ATXN10: variants seen among roughly 807,000 people sequenced by gnomAD.
ATXN10 encodes the protein ataxin-10.
ATXN10 carries 28 observed loss-of-function variants against 52.9 expected under a neutral mutation model. The observed-to-expected ratio is 0.53, with a 90% CI of 0.39 to 0.73. The LOEUF (loss-of-function observed/expected upper bound fraction) is 0.73. ATXN10 is among the 30% of genes least tolerant of loss of function. The probability of loss-of-function intolerance (pLI) is 0.00; values close to 1 mark genes in which losing one functional copy is unlikely to be tolerated. For synonymous variants in ATXN10, 226 were observed against 221.5 expected (o/e 1.02, Z -0.18); for missense variants, 565 against 577.0 (o/e 0.98, Z 0.21).
intron 9 of ATXN10, chr22:45,793,165 T>A (rs1323184508): frequency 2.5e-5 from 4 of 158,640 alleles, no homozygotes; most frequent in Non-Finnish European, 4.2e-5. Flanking sequence ...TTTCTTATTT[T>A]AAAAAATCTC....
At chr22:45,702,256 A>C (rs1157834988) in intron 4 of ATXN10, among the ~76,000 whole-genome samples, 1 of 152,134 alleles carries the variant, frequency 6.6e-6, no homozygotes, top group South Asian at 2.1e-4. Flanking sequence ...GAGGCTCCTG[A>C]CTCCAAATTC....
chr22:45,761,317 C>T (rs1009464493), intron 9 of ATXN10, among the ~76,000 whole-genome samples: 1 of 152,178 alleles, frequency 6.6e-6, no homozygotes, highest in Admixed American at 6.5e-5. Flanking sequence ...TAAAACACTA[C>T]AAGCCTAGCA....
chr22:45,795,110 A>G lies in ATXN10; in HGVS notation c.1174-11849A>G, dbSNP rs1030525342. The stretch of plus-strand genomic sequence containing the variant: ...ATTTGTAGATAGACTGCAACAAGGT[A>G]AAGATGTATACTCTAAACTCCAGTG... On this transcript the variant is annotated intron_variant, in intron 9 of 11. Transcript: ENST00000252934. This position sits in a 1 kb window ranked among gnomAD's most constrained non-coding sequence, Gnocchi z 4.6. Among the ~76,000 whole-genome samples the G allele has an allele frequency of 5.9e-5, 9 of 152,188 alleles. No individual in the cohort carries two copies. Among genetic ancestry groups the G allele is most frequent in the Admixed American group, 5.2e-4 (8 of 15,278 alleles).
rs897139743 is a variant in ATXN10 at position 45,842,427 on chromosome 22, T to A, written c.1238-564T>A. On this transcript the variant is annotated intron_variant, in intron 10 of 11. Transcript: ENST00000252934. The surrounding 1 kb of genome is among the most constrained non-coding windows in gnomAD (Gnocchi z 4.8). Reference sequence around the variant, plus strand: ...AACACAGCAAATCCTTCAAAGCCCTTCCAGCTTCATCTTTAGAATACTGAA... The same window carrying A: ...AACACAGCAAATCCTTCAAAGCCCTACCAGCTTCATCTTTAGAATACTGAA... 6.6e-6 allele frequency among the ~76,000 whole-genome samples: 1 copy of A among 152,154 alleles called. No homozygotes were observed. The highest frequency in any genetic ancestry group is 2.4e-5 in the African/African-American group (1 of 41,430).
At position 45,697,198 on chromosome 22, in the gene ATXN10, A is replaced by C. The variant is rs564035686; in HGVS notation, c.392-3084A>C. On this transcript the variant is annotated intron_variant, in intron 3 of 11. Coordinates refer to ENST00000252934, the MANE Select transcript of ATXN10 (RefSeq NM_013236.4). Reference sequence around the variant, plus strand: ...TGCCCAGGCTGGAGTGCAGTGGCACAATCTCGGCTCACTACAGTCTCCGCC... The same window carrying C: ...TGCCCAGGCTGGAGTGCAGTGGCACCATCTCGGCTCACTACAGTCTCCGCC... Among the ~76,000 whole-genome samples the C allele has an allele frequency of 8.6e-5, 13 of 151,792 alleles. No individual in the cohort carries two copies. The South Asian group carries it at 2.7e-3, about 32-fold the overall frequency.
At chr22:45,778,182 C>A (rs986733062) in intron 9 of ATXN10, among the ~76,000 whole-genome samples, 2 of 152,170 alleles carry the variant, frequency 1.3e-5, no homozygotes. Flanking sequence ...TGAATCCCAG[C>A]TGTGTTATGC....
chr22:45,689,545 G>A (rs1923284447), intron 1 of ATXN10, 167 bp from the exon 2 acceptor site: 3 of 641,376 alleles, frequency 4.7e-6, no homozygotes, highest in South Asian at 1.9e-5. Context: ...TGCATAGTAA[G>A]TGCTCAATAT....
In ATXN10 at chr22:45,696,589, CCT is replaced by C. The variant is rs1188753219; in HGVS notation, c.391+3514_391+3515del. Among the ~76,000 whole-genome samples, 2 of 152,204 alleles carry C rather than the reference CCT, an allele frequency of 1.3e-5. No individual in the cohort carries two copies. Among genetic ancestry groups the C allele is most frequent in the Non-Finnish European group, 2.9e-5 (2 of 68,044 alleles). On this transcript the variant is annotated intron_variant, in intron 3 of 11. Transcript: ENST00000252934. The surrounding 1 kb of genome is among the most constrained non-coding windows in gnomAD (Gnocchi z 4.7). ...AAATTATCCCCTTGCTCTCAGGCAGCCTCTGTTTTTTTCCTCTTTACTCCATC... is the reference window on the plus strand; with the variant it reads ...AAATTATCCCCTTGCTCTCAGGCAGCCTGTTTTTTTCCTCTTTACTCCATC...
At chr22:45,742,220 A>G (rs747917247) in intron 9 of ATXN10, among the ~76,000 whole-genome samples, 1 of 152,188 alleles carries the variant, frequency 6.6e-6, no homozygotes, top group African/African-American at 2.4e-5. Context: ...AGAGGAATAT[A>G]ATATAATCCA....
rs113642881 is a variant in ATXN10 at position 45,768,287 on chromosome 22, G to A, written c.1173+27749G>A. On this transcript the variant is annotated intron_variant, in intron 9 of 11. Transcript: ENST00000252934. ...GAAGGTGGACCTCGGACATATAGAT[G>A]TACAAGAAAGTTGCCAAAGTCCCCC... 3.7e-3 allele frequency among the ~76,000 whole-genome samples: 556 copies of A among 152,058 alleles called. 2 individuals carry two copies. Among genetic ancestry groups the A allele is most frequent in the African/African-American group, 0.013 (537 of 41,460 alleles).
At position 45,803,346 on chromosome 22, in the gene ATXN10, C is replaced by T. The variant is rs562046325; in HGVS notation, c.1174-3613C>T. On this transcript the variant is annotated intron_variant, in intron 9 of 11. Coordinates refer to ENST00000252934, the MANE Select transcript of ATXN10 (RefSeq NM_013236.4). ...CTTCCAGCTTTTGCACATACTCTTC[C>T]CCCTGCCCAAAACACTCCCACAGTC... 2.6e-5 allele frequency among the ~76,000 whole-genome samples: 4 copies of T among 152,302 alleles called. No homozygotes were observed. The East Asian group carries it at 5.8e-4, about 22-fold the overall frequency.
At chr22:45,801,358 A>C (rs1230844954) in intron 9 of ATXN10, among the ~76,000 whole-genome samples, 2 of 152,184 alleles carry the variant, frequency 1.3e-5, no homozygotes, top group Admixed American at 1.3e-4. Flanking sequence ...CTCTCTAGAG[A>C]GTGTCTGCAA....
chr22:45,808,631 G>A (rs1280418464), intron 10 of ATXN10, among the ~76,000 whole-genome samples: 2 of 152,154 alleles, frequency 1.3e-5, no homozygotes, highest in East Asian at 3.8e-4. Context: ...ATTATCATCC[G>A]TATGTTGTAG....
chr22:45,672,352 G>C, intron 1 of ATXN10, 173 bp downstream of exon 1: 2 of 649,634 alleles, frequency 3.1e-6, no homozygotes, highest in Non-Finnish European at 4.1e-6. Flanking sequence ...GCACCGCCTC[G>C]TGCTCGTGGG....
intron 5 of ATXN10, among the ~76,000 whole-genome samples, chr22:45,704,337 A>G (rs1327005738): frequency 2.0e-5 from 3 of 151,072 alleles, no homozygotes; most frequent in South Asian, 2.1e-4. Context: ...TGGAATTTTG[A>G]TAAGAATTAC....
At chr22:45,773,445 ATTATTTAT>A (rs111706438) in intron 9 of ATXN10, among the ~76,000 whole-genome samples, 2,216 of 149,358 alleles carry the variant, frequency 0.015, 15 homozygotes, top group Non-Finnish European at 0.023. Flanking sequence ...TGAATGAAGA[ATTATTTAT>A]TTATTTATTT....
At chr22:45,817,176 G>T (rs1172256649) in intron 10 of ATXN10, among the ~76,000 whole-genome samples, 2 of 152,150 alleles carry the variant, frequency 1.3e-5, no homozygotes, top group Admixed American at 1.3e-4. Context: ...TGGAGGGGCG[G>T]CCTCTCTTCC....
At position 45,774,119 on chromosome 22, in the gene ATXN10, T is replaced by C. The variant is rs531593797; in HGVS notation, c.1174-32840T>C. 1.3e-5 allele frequency among the ~76,000 whole-genome samples: 2 copies of C among 152,376 alleles called. No individual in the cohort carries two copies. The highest frequency in any genetic ancestry group is 3.9e-4 in the East Asian group (2 of 5,188). On this transcript the variant is annotated intron_variant, in intron 9 of 11. Coordinates refer to ENST00000252934, the MANE Select transcript of ATXN10 (RefSeq NM_013236.4). This position sits in a 1 kb window ranked among gnomAD's most constrained non-coding sequence, Gnocchi z 6.2. ...CCAGCACCATTTCAGCATGTGCATG[T>C]GTGCGCTGGCACTCTGGGAAGTACT... is the stretch of plus-strand genomic sequence containing the variant.
rs535266640 is a variant in ATXN10 at position 45,677,042 on chromosome 22, A to G, written c.116+4863A>G. 1 of 152,370 alleles carries G rather than the reference A, an allele frequency of 6.6e-6. No individual in the cohort carries two copies. Among genetic ancestry groups the G allele is most frequent in the African/African-American group, 2.4e-5 (1 of 41,588 alleles). 9.4% of individuals were successfully genotyped at this position (152,370 alleles called of 1,614,324 possible). On this transcript the variant is annotated intron_variant, in intron 1 of 11. Coordinates refer to ENST00000252934, the MANE Select transcript of ATXN10 (RefSeq NM_013236.4). This position sits in a 1 kb window ranked among gnomAD's most constrained non-coding sequence, Gnocchi z 4.1. ...GCTCATTGGCCACATGTGATGTGAC[A>G]GCACAGATATAGAATATTTCCATCA... is the stretch of plus-strand genomic sequence containing the variant.
Sources: allele counts gnomAD v4.1 joint callset (sites outside exome capture counted in the v4.1 genomes callset), GRCh38; gene constraint gnomAD v4.1.1; non-coding constraint Gnocchi (gnomAD v3.1); transcripts MANE v1.5; gene names NCBI Gene and HGNC (gene_info 2026-07-23, HGNC 2026-07-21).